Variants in CPOX observed in about 807,000 individuals in gnomAD.
The protein encoded by CPOX is coproporphyrinogen oxidase, also known as oxygen-dependent coproporphyrinogen-III oxidase, mitochondrial.
CPOX carries 24 observed loss-of-function variants against 48.9 expected under a neutral mutation model. The ratio of observed to expected loss-of-function variants is 0.49; its 90% CI spans 0.36 to 0.69. CPOX has a LOEUF of 0.69. Ranked by LOEUF, CPOX falls within the 30% of genes least tolerant of loss-of-function variation. The pLI, the probability that CPOX is intolerant of heterozygous loss-of-function variation, is 0.00. For synonymous variants in CPOX, 249 were observed against 234.6 expected (o/e 1.06, Z -0.56); for missense variants, 549 against 597.3 (o/e 0.92, Z 0.84).
rs751865825 is a variant in CPOX, at chr3:98,580,669, C to A, written c.*14G>T. On this transcript the variant is annotated 3_prime_UTR_variant, in exon 7 of 7. Coordinates refer to ENST00000647941, the MANE Select transcript of CPOX (RefSeq NM_000097.7). ...GTGTGCCCTCCAAACCCCTGCACAG[C>A]CATTCTGCCTGCATCAACGCACCCA... The A allele has an allele frequency of 3.7e-6, 6 of 1,613,980 alleles. No individual in the cohort carries two copies. In the Admixed American group the frequency reaches 8.3e-5, roughly 22 times the overall value.
downstream of CPOX, among the ~76,000 whole-genome samples, chr3:98,578,861 T>C (rs2107109514): frequency 6.6e-6 from 1 of 152,382 alleles, no homozygotes; most frequent in South Asian, 2.1e-4. Flanking sequence ...TTGTTTCTAA[T>C]TTTCAACTAT....
At position 98,580,447 on chromosome 3, in the gene CPOX, A is replaced by G; in HGVS notation, c.*236T>C. 2.2e-6 allele frequency: 3 copies of G among 1,343,844 alleles called. No homozygotes were observed. Among genetic ancestry groups the G allele is most frequent in the Non-Finnish European group, 2.9e-6 (3 of 1,044,178 alleles). The allele number at this position is 1,343,844 out of a possible 1,614,324, so 83.2% of individuals were successfully genotyped here. On this transcript the variant is annotated 3_prime_UTR_variant, in exon 7 of 7. Coordinates refer to ENST00000647941, the MANE Select transcript of CPOX (RefSeq NM_000097.7). The stretch of plus-strand genomic sequence containing the variant: ...ATGTCCTATTTTGTAAACTAGTCAT[A>G]TAAAATGACACTAGAAGTATAAATG...
downstream of CPOX, among the ~76,000 whole-genome samples, chr3:98,575,435 C>A (rs780619029): frequency 6.6e-6 from 1 of 152,148 alleles, no homozygotes; most frequent in Non-Finnish European, 1.5e-5. Flanking sequence ...CTACACTGAT[C>A]GGAAGAGGAA....
chr3:98,590,986 G>A (rs1272985495), intron 2 of CPOX, 26 bp downstream of exon 2: 1 of 1,613,242 alleles, frequency 6.2e-7, no homozygotes, highest in Non-Finnish European at 8.5e-7. Context: ...GGGACTATTA[G>A]AGACTATCAA....
chr3:98,577,123 G>T (rs1707175472), downstream of CPOX, among the ~76,000 whole-genome samples: 1 of 152,054 alleles, frequency 6.6e-6, no homozygotes, highest in South Asian at 2.1e-4. Flanking sequence ...AGCAGCCTGA[G>T]AAAAGGCCAG....
rs1353158854 is a variant in CPOX at position 98,593,467 on chromosome 3, C to A, written c.38G>T (p.Cys13Phe). 1.3e-6 allele frequency: 2 copies of A among 1,508,666 alleles called. No individual in the cohort carries two copies. Among genetic ancestry groups the A allele is most frequent in the South Asian group, 2.5e-5 (2 of 81,030 alleles). 93.5% of individuals were successfully genotyped at this position (1,508,666 alleles called of 1,614,324 possible). The change falls in exon 1 of 7, where the codon TGC becomes TTC. Residue 13 changes from cysteine to phenylalanine, a missense_variant. Transcript: ENST00000647941. ...LQLGRLSSGP[C>F]WLVARGGCGG... ...GCAGCCGCCCCGCGCCACGAGCCAGCAGGGGCCCGAGCTCAGCCTGCCCAG... is the reference window on the plus strand; with the variant it reads ...GCAGCCGCCCCGCGCCACGAGCCAGAAGGGGCCCGAGCTCAGCCTGCCCAG...
At chr3:98,584,786 A>G (rs1195405464) in intron 5 of CPOX, among the ~76,000 whole-genome samples, 1 of 152,208 alleles carries the variant, frequency 6.6e-6, no homozygotes, top group Non-Finnish European at 1.5e-5. Flanking sequence ...CTCACTGCAC[A>G]GAACAGGGTG....
At chr3:98,575,216 C>G (rs750223068), downstream of CPOX, among the ~76,000 whole-genome samples, 1 of 152,192 alleles carries the variant, frequency 6.6e-6, no homozygotes, top group Non-Finnish European at 1.5e-5. Flanking sequence ...AAAACACATC[C>G]ATGACAGAGT....
chr3:98,576,640 A>G (rs1017227241), downstream of CPOX, among the ~76,000 whole-genome samples: 8 of 152,222 alleles, frequency 5.3e-5, no homozygotes, highest in Non-Finnish European at 8.8e-5. Flanking sequence ...TTGGATTGTT[A>G]TGTGTTTCTT....
rs541413709 is a variant in CPOX, at chr3:98,581,281, T to TA, written c.1277+125dup. On this transcript the variant is annotated intron_variant, in intron 6 of 6. Transcript: ENST00000647941. ...GCCTTATTTGACTGTGATTTTCTTATAAAATCAGCAAAGTCAAAACTAACA... is the reference window on the plus strand; with the variant it reads ...GCCTTATTTGACTGTGATTTTCTTATAAAAATCAGCAAAGTCAAAACTAACA... 4.4e-4 allele frequency: 330 copies of TA among 751,844 alleles called. 1 individual carries two copies. The highest frequency in any genetic ancestry group is 5.9e-4 in the Non-Finnish European group (251 of 425,128). The allele number at this position is 751,844 out of a possible 1,614,324, so 46.6% of individuals were successfully genotyped here.
rs557470527 is a variant in CPOX, at chr3:98,581,080, T to C, written c.1278-310A>G. 1.3e-3 allele frequency among the ~76,000 whole-genome samples: 201 copies of C among 151,910 alleles called. 4 individuals carry two copies. The highest frequency in any genetic ancestry group is 4.7e-3 in the African/African-American group (195 of 41,430). On this transcript the variant is annotated intron_variant, in intron 6 of 6. Transcript: ENST00000647941. ...ACTCAGGTGATCCATGGGCAAACCT[T>C]CTTTAGCTTAATACTTATGCATACC...
chr3:98,571,140 A>G, the CPOX span, among the ~76,000 whole-genome samples: 4 of 152,156 alleles, frequency 2.6e-5, no homozygotes, highest in African/African-American at 4.8e-5. Flanking sequence ...TCTAGATTTT[A>G]TCATTACAAT....
downstream of CPOX, among the ~76,000 whole-genome samples, chr3:98,577,037 G>A (rs1707172353): frequency 6.6e-6 from 1 of 152,046 alleles, no homozygotes; most frequent in Non-Finnish European, 1.5e-5. Flanking sequence ...TGACTCCAAG[G>A]AAGGTTTCTT....
chr3:98,582,835 T>C (rs1459005665), intron 5 of CPOX, among the ~76,000 whole-genome samples: 1 of 152,212 alleles, frequency 6.6e-6, no homozygotes, highest in East Asian at 1.9e-4. Context: ...ATGTGGAACT[T>C]GTCAAAAGCC....
At chr3:98,591,362 C>A (rs763754912) in intron 1 of CPOX, among the ~76,000 whole-genome samples, 1 of 152,164 alleles carries the variant, frequency 6.6e-6, no homozygotes, top group Non-Finnish European at 1.5e-5. Flanking sequence ...TCTCATATCA[C>A]TAAACTGAAT....
rs893252415 is a variant in CPOX, at chr3:98,591,562, ATTTC to A, written c.557-411_557-408del. Among the ~76,000 whole-genome samples the A allele has an allele frequency of 3.3e-5, 5 of 152,330 alleles. No homozygotes were observed. In the South Asian group the frequency reaches 1.0e-3, roughly 32 times the overall value. On this transcript the variant is annotated intron_variant, in intron 1 of 6. Transcript: ENST00000647941. ...TTAAGAGATCTATATTGTTTCAAAA[ATTTC>A]TTTCTCAGTGGGCTGCTTGCCTTTT...
rs541089894 is a variant in CPOX, at chr3:98,593,321, G to T, written c.184C>A (p.Leu62Met). Residue 62 changes from leucine (L) to methionine (M), a missense_variant, in exon 1 of 7, where the codon CTG (leucine) becomes ATG (methionine). Transcript: ENST00000647941. ...CCTCTCGACGTCGAGCCGTGCCCCAGCCCGCGGCTCTGCTCCGTGCCAGCC... is the reference window on the plus strand; with the variant it reads ...CCTCTCGACGTCGAGCCGTGCCCCATCCCGCGGCTCTGCTCCGTGCCAGCC... ...GPAGTEQSRG[L>M]GHGSTSRGGP... 3 of 1,434,334 alleles carry T rather than the reference G, an allele frequency of 2.1e-6. No homozygotes were observed. Among genetic ancestry groups the T allele is most frequent in the South Asian group, 1.5e-5 (1 of 66,792 alleles). 88.9% of individuals were successfully genotyped at this position (1,434,334 alleles called of 1,614,324 possible).
downstream of CPOX, among the ~76,000 whole-genome samples, chr3:98,578,862 T>G (rs1407701728): frequency 6.6e-6 from 1 of 152,256 alleles, no homozygotes; most frequent in African/African-American, 2.4e-5. Flanking sequence ...TGTTTCTAAT[T>G]TTCAACTATT....
Position 98,593,447 on chromosome 3 carries a change from C to T in CPOX, c.58G>A (p.Gly20Ser), listed in dbSNP as rs1052071711. 24 of 1,489,686 alleles carry T rather than the reference C, an allele frequency of 1.6e-5. No individual in the cohort carries two copies. The African/African-American group carries it at 2.8e-4, about 17-fold the overall frequency. 92.3% of individuals were successfully genotyped at this position (1,489,686 alleles called of 1,614,324 possible). The change falls in exon 1 of 7, where the codon GGC becomes AGC. Residue 20 changes from glycine (G) to serine (S), a missense_variant. Gly to Ser is a moderately conservative substitution (Grantham distance 56, BLOSUM62 0). Around this residue, in one of 2 missense-constraint regions of CPOX, gnomAD observed 336 missense variants for 318.1 expected, o/e 1.06. Coordinates refer to ENST00000647941, the MANE Select transcript of CPOX (RefSeq NM_000097.7). ...SGPCWLVARG[G>S]CGGPRAWSQC... is the part of the protein sequence containing the mutation. ...GACCAGGCGCGGGGCCCTCCGCAGC[C>T]GCCCCGCGCCACGAGCCAGCAGGGG...
Sources: allele counts gnomAD v4.1 joint callset (sites outside exome capture counted in the v4.1 genomes callset), GRCh38; gene constraint gnomAD v4.1.1; regional missense constraint gnomAD v4.1.1; transcripts MANE v1.5; gene names NCBI Gene and HGNC (gene_info 2026-07-23, HGNC 2026-07-21).